TBC1D8: variants seen among roughly 807,000 people sequenced by gnomAD.
The protein encoded by TBC1D8 is TBC1 domain family member 8, also known as BUB2-like protein 1.
Under a neutral mutation model 118.8 loss-of-function variants are expected in TBC1D8, and 65 were observed. The observed-to-expected ratio is 0.55, with a 90% confidence interval of 0.45 to 0.67. The LOEUF (loss-of-function observed/expected upper bound fraction) is 0.67. TBC1D8 is among the 30% of genes least tolerant of loss of function. The probability of loss-of-function intolerance (pLI) is 0.00; values close to 1 mark genes in which losing one functional copy is unlikely to be tolerated. For synonymous variants in TBC1D8, 566 were observed against 595.8 expected, an observed-to-expected ratio of 0.95 and a Z score of 0.73; for missense variants, 1,376 against 1,471.2, an observed-to-expected ratio of 0.94 and a Z score of 1.06.
chr2:101,141,592 A>C (rs1226063499), intron 1 of TBC1D8, among the ~76,000 whole-genome samples: 1 of 152,172 alleles, frequency 6.6e-6, no homozygotes, highest in Non-Finnish European at 1.5e-5. Flanking sequence ...AACAAGTAAC[A>C]AAAAGAATAA....
At chr2:101,116,166 G>A (rs1175774025) in intron 1 of TBC1D8, among the ~76,000 whole-genome samples, 1 of 152,162 alleles carries the variant, frequency 6.6e-6, no homozygotes, top group African/African-American at 2.4e-5. Context: ...GGTAATGGGT[G>A]AGGAGGCAGG....
chr2:101,146,558 A>G (rs1679325379), intron 1 of TBC1D8, among the ~76,000 whole-genome samples: 2 of 152,232 alleles, frequency 1.3e-5, no homozygotes, highest in Non-Finnish European at 2.9e-5. Context: ...TTTGTTATTT[A>G]GAGTAATGTT....
chr2:101,022,556 C>T (rs753361325), intron 15 of TBC1D8, 35 bp from the exon 16 acceptor site: 45 of 1,574,004 alleles, frequency 2.9e-5, no homozygotes, highest in Non-Finnish European at 3.5e-5. Flanking sequence ...GTTCTTACCA[C>T]TTATTGAACA....
intron 17 of TBC1D8, among the ~76,000 whole-genome samples, chr2:101,015,244 A>G (rs1021528058): frequency 1.3e-5 from 2 of 151,436 alleles, no homozygotes; most frequent in African/African-American, 4.9e-5. Context: ...GGTATAAAAG[A>G]AAAAAAAATG....
intron 2 of TBC1D8, among the ~76,000 whole-genome samples, chr2:101,070,363 G>T (rs1307331162): frequency 2.0e-5 from 3 of 150,384 alleles, no homozygotes; most frequent in Non-Finnish European, 4.4e-5. Flanking sequence ...AATATCTTGT[G>T]TGACCAACCG....
intron 1 of TBC1D8, among the ~76,000 whole-genome samples, chr2:101,129,565 G>A (rs902667092): frequency 1.3e-5 from 2 of 152,218 alleles, no homozygotes; most frequent in African/African-American, 4.8e-5. Context: ...TGGGCTGGAA[G>A]AAGGCAGCCA....
intron 3 of TBC1D8, among the ~76,000 whole-genome samples, chr2:101,058,860 T>C (rs1361782843): frequency 6.6e-6 from 1 of 152,010 alleles, no homozygotes; most frequent in Non-Finnish European, 1.5e-5. Flanking sequence ...CCTTCACTCC[T>C]GTAAAGGATA....
intron 1 of TBC1D8, among the ~76,000 whole-genome samples, chr2:101,136,397 C>A (rs1678856466): frequency 6.6e-6 from 1 of 152,182 alleles, no homozygotes; most frequent in Non-Finnish European, 1.5e-5. Flanking sequence ...CTTCCTGAGG[C>A]CTCACCAGAA....
At chr2:101,076,373 G>A (rs1055233847) in intron 2 of TBC1D8, among the ~76,000 whole-genome samples, 1 of 152,218 alleles carries the variant, frequency 6.6e-6, no homozygotes, top group Non-Finnish European at 1.5e-5. Context: ...CTGAACTCAT[G>A]AACTAATCTT....
At chr2:101,113,289 T>TCAGC (rs2104213520) in intron 1 of TBC1D8, among the ~76,000 whole-genome samples, 1 of 152,180 alleles carries the variant, frequency 6.6e-6, no homozygotes, top group Non-Finnish European at 1.5e-5. Context: ...ATCTTGCCAC[T>TCAGC]CAGCAATAAC....
At chr2:101,009,982 CA>C (rs575777496) in intron 19 of TBC1D8, among the ~76,000 whole-genome samples, 85 of 151,952 alleles carry the variant, frequency 5.6e-4, no homozygotes, top group African/African-American at 1.8e-3. Context: ...CCACCACGTC[CA>C]GCTAATTTTT....
At chr2:101,150,365 G>A (rs188517831) in intron 1 of TBC1D8, among the ~76,000 whole-genome samples, 112 of 152,152 alleles carry the variant, frequency 7.4e-4, no homozygotes, top group African/African-American at 2.5e-3. Flanking sequence ...AGATACAAAT[G>A]AAAAAGTCTA....
At chr2:101,066,482 G>A (rs913568588) in intron 2 of TBC1D8, among the ~76,000 whole-genome samples, 5 of 151,966 alleles carry the variant, frequency 3.3e-5, no homozygotes, top group East Asian at 1.9e-4. Context: ...AATGGATAAA[G>A]TTAACTATTG....
rs577054284 is a variant in TBC1D8 at position 101,038,585 on chromosome 2, T to G, written c.1151A>C (p.Lys384Thr). The part of the protein sequence containing the change: ...PHPIIVSIRS[K>T]VAFQFIELRD... The stretch of plus-strand genomic sequence containing the variant: ...GAGCTCAATGAACTGGAAGGCCACC[T>G]TGCTTCTGATACTGACAATGATGGG... The change falls in exon 7 of 20, where the codon AAG (lysine) becomes ACG (threonine). Residue 384 changes from lysine (K) to threonine (T), a missense_variant. Lys to Thr is a moderately conservative substitution (Grantham distance 78, BLOSUM62 -1). Transcript: ENST00000409318. 3.3e-5 allele frequency: 54 copies of G among 1,613,894 alleles called. 1 individual carries two copies. The South Asian group carries it at 5.5e-4, about 16-fold the overall frequency.
At chr2:101,080,552 G>A (rs563175061) in intron 2 of TBC1D8, among the ~76,000 whole-genome samples, 38 of 152,244 alleles carry the variant, frequency 2.5e-4, no homozygotes, top group Middle Eastern at 6.8e-3. Flanking sequence ...GAGAATGTGC[G>A]TCAGAAAGAA....
At chr2:101,023,624 G>GTTT in intron 15 of TBC1D8, 7 of 399,466 alleles carry the variant, frequency 1.8e-5, no homozygotes, top group Admixed American at 3.1e-5. Context: ...TTTTTTTTAA[G>GTTT]TTTTTTTTTT....
At chr2:101,100,769 A>G (rs774655250) in intron 1 of TBC1D8, among the ~76,000 whole-genome samples, 130 of 152,286 alleles carry the variant, frequency 8.5e-4, no homozygotes, top group Non-Finnish European at 8.5e-4. Flanking sequence ...AACAAACCTG[A>G]CAAAAATAAG....
Position 101,067,014 on chromosome 2 carries a change from T to C in TBC1D8, c.284-7475A>G, listed in dbSNP as rs112608290. ...ATACTGTAGTCTATTAAGTGTGCGA[T>C]TGCATTATTACGAATCCTCCCATCT... On this transcript the variant is annotated intron_variant, in intron 2 of 19. Transcript: ENST00000409318. Among the ~76,000 whole-genome samples the C allele has an allele frequency of 4.8e-3, 720 of 151,490 alleles. 8 individuals are homozygous for C. The highest frequency in any genetic ancestry group is 0.017 in the African/African-American group (688 of 41,250).
At chr2:101,062,428 C>T (rs1215883968) in intron 2 of TBC1D8, among the ~76,000 whole-genome samples, 2 of 152,006 alleles carry the variant, frequency 1.3e-5, no homozygotes, top group Non-Finnish European at 2.9e-5. Context: ...GTTGCAGGAA[C>T]GAAGAAGAAC....
Sources: gnomAD v4.1 joint callset for allele counts (sites outside exome capture counted in the v4.1 genomes callset) on GRCh38, gnomAD v4.1.1 for gene constraint, MANE v1.5 for transcripts, NCBI Gene and HGNC (gene_info 2026-07-23, HGNC 2026-07-21) for gene names.